TASP1: variants seen among roughly 807,000 people sequenced by gnomAD.
TASP1 encodes threonine aspartase 1.
TASP1 carries 16 observed loss-of-function variants against 56.6 expected under a neutral mutation model. The observed-to-expected ratio is 0.28, with a 90% confidence interval of 0.19 to 0.43. The LOEUF (loss-of-function observed/expected upper bound fraction) is 0.43. Ranked by LOEUF, TASP1 falls within the 20% of genes least tolerant of loss-of-function variation. The pLI, the probability that TASP1 is intolerant of heterozygous loss-of-function variation, is 1.00. For synonymous variants in TASP1, 179 were observed against 184.2 expected (o/e 0.97, Z 0.23); for missense variants, 393 against 511.6 (o/e 0.77, Z 2.24).
At chr20:13,561,581 C>T (rs959046035) in intron 7 of TASP1, among the ~76,000 whole-genome samples, 1 of 151,972 alleles carries the variant, frequency 6.6e-6, no homozygotes, top group Non-Finnish European at 1.5e-5. Context: ...CGGCCAGACT[C>T]GTCTCAAACT....
At chr20:13,569,480 C>T (rs11697393) in intron 7 of TASP1, 27 bp downstream of exon 7, 43,193 of 1,590,612 alleles carry the variant, frequency 0.027, 1,098 homozygotes, top group African/African-American at 0.1. Flanking sequence ...GCTCATATAG[C>T]TTAATTTTTT....
the TASP1 span, among the ~76,000 whole-genome samples, chr20:13,146,513 A>G: frequency 6.6e-6 from 1 of 152,236 alleles, no homozygotes; most frequent in Non-Finnish European, 1.5e-5. Flanking sequence ...GTGTAAAATT[A>G]CATAATTAAT....
chr20:13,399,240 G>A (rs558642757), intron 13 of TASP1, among the ~76,000 whole-genome samples: 1 of 152,216 alleles, frequency 6.6e-6, no homozygotes, highest in Non-Finnish European at 1.5e-5. Flanking sequence ...TCTCCTGTCT[G>A]TGTTCACCTC....
At chr20:13,117,559 A>G in the TASP1 span, 1 of 1,612,536 alleles carries the variant, frequency 6.2e-7, no homozygotes, top group Non-Finnish European at 8.5e-7. Context: ...AAGAAGAAAT[A>G]CAAGGCTTAC....
the TASP1 span, among the ~76,000 whole-genome samples, chr20:13,194,946 A>G: frequency 6.6e-6 from 1 of 152,054 alleles, no homozygotes; most frequent in African/African-American, 2.4e-5. Flanking sequence ...AGCTACATAG[A>G]GAGAGGGGGT....
intron 4 of TASP1, among the ~76,000 whole-genome samples, chr20:13,620,265 T>TACACACACACACACACACACAC (rs757563847): frequency 3.4e-5 from 5 of 145,770 alleles, no homozygotes; most frequent in African/African-American, 1.3e-4. Context: ...CTGTGGTATT[T>TACACACACACACACACACACAC]ACACACACAC....
At chr20:13,217,497 C>T in the TASP1 span, among the ~76,000 whole-genome samples, 1 of 151,864 alleles carries the variant, frequency 6.6e-6, no homozygotes, top group Non-Finnish European at 1.5e-5. Context: ...GGTGTTCTGG[C>T]TTATTAATTT....
At position 13,630,155 on chromosome 20, in the gene TASP1, A is replaced by G. The variant is rs2049032094; in HGVS notation, c.-74-3T>C. The G allele has an allele frequency of 8.8e-6, 13 of 1,478,598 alleles. 1 individual carries two copies. Among genetic ancestry groups the G allele is most frequent in the South Asian group, 1.3e-5 (1 of 74,384 alleles). 91.6% of individuals were successfully genotyped at this position (1,478,598 alleles called of 1,614,324 possible). A position where few individuals can be genotyped will look rare whatever the true frequency, so the allele number is the denominator to read the frequency against. On this transcript the variant is annotated splice_polypyrimidine_tract_variant and splice_region_variant and intron_variant, in intron 1 of 13. Transcript: ENST00000337743. ...GTAATTGCAGGAGAGGAATTACCCT[A>G]AAGGAAAACAGGCAAAGATGGTATA...
intron 11 of TASP1, among the ~76,000 whole-genome samples, chr20:13,469,640 AAAG>A (rs2044397696): frequency 6.6e-6 from 1 of 152,134 alleles, no homozygotes; most frequent in Non-Finnish European, 1.5e-5. Flanking sequence ...CCACCATGTC[AAAG>A]AAGGTTAACT....
At chr20:13,211,062 G>A in the TASP1 span, among the ~76,000 whole-genome samples, 1 of 152,108 alleles carries the variant, frequency 6.6e-6, no homozygotes, top group South Asian at 2.1e-4. Flanking sequence ...AGAGGAGCAA[G>A]GAGAAAGGCA....
At chr20:13,474,447 T>C (rs2044643645) in intron 11 of TASP1, among the ~76,000 whole-genome samples, 2 of 152,228 alleles carry the variant, frequency 1.3e-5, no homozygotes, top group South Asian at 2.1e-4. Context: ...CATCCAAGTT[T>C]CTGTAAAAGA....
At chr20:13,234,961 T>C in the TASP1 span, among the ~76,000 whole-genome samples, 1 of 152,240 alleles carries the variant, frequency 6.6e-6, no homozygotes, top group African/African-American at 2.4e-5. Context: ...ATGCAGGTCA[T>C]GGTTTGAGAA....
Position 13,612,329 on chromosome 20 carries a change from A to T in TASP1, c.282+11117T>A, listed in dbSNP as rs570224017. Among the ~76,000 whole-genome samples, 6 of 152,284 alleles carry T rather than the reference A, an allele frequency of 3.9e-5. No individual in the cohort carries two copies. The East Asian group carries it at 1.2e-3, about 29-fold the overall frequency. On this transcript the variant is annotated intron_variant, in intron 4 of 13. Transcript: ENST00000337743. ...GAGCTTTCTACTCAGAGTCCACAGG[A>T]AGTCATGGTATTTTTCTCAAATACC...
At chr20:13,351,861 T>A in the TASP1 span, among the ~76,000 whole-genome samples, 1 of 152,230 alleles carries the variant, frequency 6.6e-6, no homozygotes, top group East Asian at 1.9e-4. Context: ...ATGATGGAAA[T>A]GTTCCATATT....
At chr20:13,362,185 A>T in the TASP1 span, among the ~76,000 whole-genome samples, 1 of 150,316 alleles carries the variant, frequency 6.7e-6, no homozygotes, top group Non-Finnish European at 1.5e-5. Context: ...TCGCCGCCCC[A>T]ACACTTCAAC....
intron 11 of TASP1, among the ~76,000 whole-genome samples, 154 bp downstream of exon 11, chr20:13,483,073 T>A (rs2043195326): frequency 6.6e-6 from 1 of 152,210 alleles, no homozygotes; most frequent in African/African-American, 2.4e-5. Flanking sequence ...TGTGGTGGAA[T>A]TTCTTTTCAC....
At chr20:13,325,154 C>T in the TASP1 span, among the ~76,000 whole-genome samples, 4 of 152,142 alleles carry the variant, frequency 2.6e-5, no homozygotes, top group South Asian at 4.1e-4. Flanking sequence ...CAGGACAGCC[C>T]GACAAATGGG....
intron 10 of TASP1, among the ~76,000 whole-genome samples, chr20:13,522,877 A>G (rs1339297970): frequency 6.6e-6 from 1 of 152,164 alleles, no homozygotes; most frequent in Non-Finnish European, 1.5e-5. Context: ...AGGAGCAGCC[A>G]GTGAGGTGGC....
the TASP1 span, among the ~76,000 whole-genome samples, chr20:13,327,978 C>A: frequency 6.6e-6 from 1 of 152,000 alleles, no homozygotes; most frequent in Non-Finnish European, 1.5e-5. Context: ...AACTAAAGAG[C>A]GACTGCACAG....
Sources: gnomAD v4.1 joint callset for allele counts (sites outside exome capture counted in the v4.1 genomes callset) on GRCh38, gnomAD v4.1.1 for gene constraint, MANE v1.5 for transcripts, NCBI Gene and HGNC (gene_info 2026-07-23, HGNC 2026-07-21) for gene names.